XRCC4: variants seen among roughly 807,000 people sequenced by gnomAD.
XRCC4 encodes DNA repair protein XRCC4.
A neutral mutation model predicts 39.1 loss-of-function variants in XRCC4; 28 were observed. The observed-to-expected ratio is 0.72, with a 90% confidence interval of 0.53 to 0.98. XRCC4 has a LOEUF of 0.98. XRCC4 is among the 50% of genes least tolerant of loss of function. The pLI is 0.00. For synonymous variants in XRCC4, 123 were observed against 126.4 expected, an observed-to-expected ratio of 0.97 and a Z score of 0.18; for missense variants, 350 against 376.4, an observed-to-expected ratio of 0.93 and a Z score of 0.58.
chr5:83,098,722 C>A (rs1307864768), intron 1 of XRCC4, among the ~76,000 whole-genome samples: 1 of 151,660 alleles, frequency 6.6e-6, no homozygotes, highest in Admixed American at 6.6e-5. Context: ...AGCAAGTTGG[C>A]AGGCTATTAA....
intron 3 of XRCC4, among the ~76,000 whole-genome samples, chr5:83,159,245 A>G (rs570040542): frequency 2.5e-4 from 38 of 152,276 alleles, no homozygotes; most frequent in African/African-American, 8.4e-4. Flanking sequence ...TCCAAATTAT[A>G]TTTTATTATA....
intron 6 of XRCC4, among the ~76,000 whole-genome samples, chr5:83,229,334 T>C (rs1387233565): frequency 3.3e-5 from 5 of 152,128 alleles, no homozygotes; most frequent in South Asian, 4.1e-4. Flanking sequence ...TTAACTAACA[T>C]GATGCCAGTC....
At chr5:83,348,301 G>A (rs749205320) in intron 7 of XRCC4, among the ~76,000 whole-genome samples, 29 of 152,174 alleles carry the variant, frequency 1.9e-4, no homozygotes, top group Non-Finnish European at 4.0e-4. Flanking sequence ...TTCTCCAAGA[G>A]GACTCTACCC....
chr5:83,284,033 A>G lies in XRCC4; in HGVS notation c.893+25356A>G, dbSNP rs191665968. ...CATAAACTTAAGTCACTTCCCAAAA[A>G]CCTTCTACCAACCCAGAGCAAAAAA... is the stretch of plus-strand genomic sequence containing the variant. On this transcript the variant is annotated intron_variant, in intron 7 of 7. Coordinates refer to ENST00000396027, the MANE Select transcript of XRCC4 (RefSeq NM_003401.5). Among the ~76,000 whole-genome samples the G allele has an allele frequency of 2.2e-3, 296 of 136,400 alleles. 2 individuals carry two copies. Among genetic ancestry groups the G allele is most frequent in the African/African-American group, 7.6e-3 (274 of 36,284 alleles). The allele number at this position is 136,400 out of a possible 152,430, so 89.5% of individuals were successfully genotyped here.
At chr5:83,112,859 C>T (rs1423370103) in intron 3 of XRCC4, among the ~76,000 whole-genome samples, 2 of 152,166 alleles carry the variant, frequency 1.3e-5, no homozygotes, top group African/African-American at 4.8e-5. Flanking sequence ...GGGTCCCTCT[C>T]ATAACACTTG....
chr5:83,245,838 C>G (rs7724285), intron 6 of XRCC4, among the ~76,000 whole-genome samples: 3 of 139,460 alleles, frequency 2.2e-5, no homozygotes, highest in Non-Finnish European at 3.1e-5. Flanking sequence ...CTCACTCCCC[C>G]CCTCCATCTG....
At chr5:83,167,946 A>G (rs1395624145) in intron 3 of XRCC4, among the ~76,000 whole-genome samples, 1 of 152,230 alleles carries the variant, frequency 6.6e-6, no homozygotes, top group Non-Finnish European at 1.5e-5. Context: ...AATTTAAAGG[A>G]GTATAAAATA....
chr5:83,203,275 G>A (rs1221810499), intron 4 of XRCC4, among the ~76,000 whole-genome samples: 1 of 152,018 alleles, frequency 6.6e-6, no homozygotes, highest in Non-Finnish European at 1.5e-5. Flanking sequence ...TAAACCATAT[G>A]TATCAATAAA....
At chr5:83,294,929 A>C (rs1755042437) in intron 7 of XRCC4, among the ~76,000 whole-genome samples, 1 of 152,050 alleles carries the variant, frequency 6.6e-6, no homozygotes, top group Non-Finnish European at 1.5e-5. Flanking sequence ...CCTTGAATCC[A>C]TTTAGATAGG....
At chr5:83,263,204 A>G (rs1753826149) in intron 7 of XRCC4, among the ~76,000 whole-genome samples, 1 of 150,932 alleles carries the variant, frequency 6.6e-6, no homozygotes, top group Non-Finnish European at 1.5e-5. Context: ...ATAGTATTCC[A>G]TGGTGTATAT....
At chr5:83,183,461 C>G (rs1449857592) in intron 3 of XRCC4, among the ~76,000 whole-genome samples, 3 of 132,044 alleles carry the variant, frequency 2.3e-5, no homozygotes, top group Non-Finnish European at 5.0e-5. Flanking sequence ...TGTGGCACAT[C>G]AAGCCTGTAA....
chr5:83,179,047 A>G (rs578186477), intron 3 of XRCC4, among the ~76,000 whole-genome samples: 1 of 152,230 alleles, frequency 6.6e-6, no homozygotes, highest in South Asian at 2.1e-4. Flanking sequence ...TTGACCTGCC[A>G]TGTACTACTA....
intron 1 of XRCC4, among the ~76,000 whole-genome samples, chr5:83,096,437 G>A (rs1255403278): frequency 6.6e-6 from 1 of 152,136 alleles, no homozygotes; most frequent in East Asian, 1.9e-4. Flanking sequence ...CCCCTTGGCA[G>A]GTGGTTTTGG....
chr5:83,214,725 A>G (rs1034650773), intron 6 of XRCC4, among the ~76,000 whole-genome samples: 1 of 151,588 alleles, frequency 6.6e-6, no homozygotes, highest in Non-Finnish European at 1.5e-5. Context: ...AGTCCCAGCT[A>G]CTCGGGAGGC....
Position 83,135,316 on chromosome 5 carries a change from A to G in XRCC4, c.315+24113A>G, listed in dbSNP as rs147694329. 1.9e-3 allele frequency among the ~76,000 whole-genome samples: 296 copies of G among 152,186 alleles called. 2 individuals carry two copies. The highest frequency in any genetic ancestry group is 9.7e-3 in the Admixed American group (148 of 15,304). ...TTCTGTGTCGCTCACACTGGGAGCT[A>G]TAGACTGGAGCTGTTCCTATTCGGC... On this transcript the variant is annotated intron_variant, in intron 3 of 7. Transcript: ENST00000396027.
the XRCC4 span, among the ~76,000 whole-genome samples, chr5:83,360,638 T>C: frequency 6.6e-6 from 1 of 152,190 alleles, no homozygotes; most frequent in East Asian, 1.9e-4. Flanking sequence ...AAATCTCTGC[T>C]ATGAGGAGAA....
chr5:83,078,369 C>T (rs1197725376), intron 1 of XRCC4, among the ~76,000 whole-genome samples: 1 of 152,232 alleles, frequency 6.6e-6, no homozygotes, highest in East Asian at 1.9e-4. Flanking sequence ...TCTTTGCCCC[C>T]TTATGGCAAG....
At chr5:83,312,018 T>C (rs1000603845) in intron 7 of XRCC4, among the ~76,000 whole-genome samples, 1 of 152,034 alleles carries the variant, frequency 6.6e-6, no homozygotes. Flanking sequence ...TCAAAATTGG[T>C]AAAGGGGCCT....
chr5:83,101,934 G>T (rs1745957950), intron 1 of XRCC4, among the ~76,000 whole-genome samples: 1 of 146,684 alleles, frequency 6.8e-6, no homozygotes. Context: ...AAGTGACTTA[G>T]TAATAACATA....
Sources: gnomAD v4.1 joint callset for allele counts (sites outside exome capture counted in the v4.1 genomes callset) on GRCh38, gnomAD v4.1.1 for gene constraint, MANE v1.5 for transcripts, NCBI Gene and HGNC (gene_info 2026-07-23, HGNC 2026-07-21) for gene names.